ZNF600: variants seen among roughly 807,000 people sequenced by gnomAD.
The protein encoded by ZNF600 is zinc finger protein KR-ZNF1.
Under a neutral mutation model 7.3 loss-of-function variants are expected in ZNF600, and 4 were observed. The observed-to-expected ratio is 0.55, with a 90% confidence interval of 0.27 to 1.25. The LOEUF (loss-of-function observed/expected upper bound fraction) is 1.25, where lower values mean the gene tolerates loss of function less well. Among genes scored for constraint, ZNF600 ranks in the 50% most tolerant of loss-of-function variants. ZNF600 has a pLI of 0.12. For synonymous variants in ZNF600, 290 were observed against 308.9 expected, an observed-to-expected ratio of 0.94 and a Z score of 0.64; for missense variants, 911 against 922.1, an observed-to-expected ratio of 0.99 and a Z score of 0.16.
the ZNF600 span, among the ~76,000 whole-genome samples, chr19:52,817,218 C>T: frequency 1.3e-5 from 2 of 151,834 alleles, no homozygotes; most frequent in Non-Finnish European, 2.9e-5. Context: ...ACTAAAAATA[C>T]AAAATTAGCT....
At chr19:52,809,018 G>A in the ZNF600 span, among the ~76,000 whole-genome samples, 1 of 152,140 alleles carries the variant, frequency 6.6e-6, no homozygotes, top group Non-Finnish European at 1.5e-5. Flanking sequence ...GTATGTATAT[G>A]TGTGTGCATG....
chr19:52,827,543 A>G, the ZNF600 span, among the ~76,000 whole-genome samples: 1 of 151,500 alleles, frequency 6.6e-6, no homozygotes, highest in African/African-American at 2.4e-5. Context: ...TGCAGCCTCT[A>G]TGGAAATTCA....
the ZNF600 span, chr19:52,801,149 T>C: frequency 6.2e-7 from 1 of 1,614,102 alleles, no homozygotes; most frequent in South Asian, 1.1e-5. Flanking sequence ...TTATCTGATG[T>C]TTTTTTAAAA....
At chr19:52,777,313 G>T (rs2062684033) in intron 2 of ZNF600, among the ~76,000 whole-genome samples, 1 of 152,208 alleles carries the variant, frequency 6.6e-6, no homozygotes, top group Non-Finnish European at 1.5e-5. Context: ...AGAAGGCAGA[G>T]GGGCAGGGAG....
At chr19:52,791,782 C>G (rs962679215), upstream of ZNF600, among the ~76,000 whole-genome samples, 3 of 152,198 alleles carry the variant, frequency 2.0e-5, no homozygotes, top group African/African-American at 7.2e-5. Context: ...TCGCCCCCCT[C>G]CTGGAGGAGC....
chr19:52,765,218 C>A, exon 4 of ZNF600: 1 of 532,384 alleles, frequency 1.9e-6, no homozygotes, highest in Non-Finnish European at 3.8e-6. Flanking sequence ...CAAGGAGTGA[C>A]CTCGGACTCA....
the ZNF600 span, among the ~76,000 whole-genome samples, chr19:52,802,717 T>C: frequency 2.4e-3 from 363 of 151,466 alleles, 3 homozygotes; most frequent in African/African-American, 7.7e-3. Context: ...TCCAAATAAC[T>C]GTTACAAAAT....
the ZNF600 span, among the ~76,000 whole-genome samples, chr19:52,826,320 C>T: frequency 6.6e-6 from 1 of 152,102 alleles, no homozygotes; most frequent in Non-Finnish European, 1.5e-5. Context: ...CTTGTAATCC[C>T]AGCATTTTGG....
intron 1 of ZNF600, among the ~76,000 whole-genome samples, chr19:52,783,853 C>G (rs573427848): frequency 1.3e-5 from 2 of 152,084 alleles, no homozygotes; most frequent in African/African-American, 4.8e-5. Context: ...TCCAATGGTG[C>G]GATCTCAGCT....
the ZNF600 span, among the ~76,000 whole-genome samples, chr19:52,829,431 A>G: frequency 7.2e-6 from 1 of 139,206 alleles, no homozygotes. Flanking sequence ...CTAGAGTGCA[A>G]TGGCCTGATC....
chr19:52,774,876 G>T (rs1016021387), intron 2 of ZNF600, among the ~76,000 whole-genome samples, 175 bp from the exon 5 acceptor site: 2 of 152,096 alleles, frequency 1.3e-5, no homozygotes, highest in African/African-American at 4.8e-5. Context: ...TTCTTTGAAA[G>T]ATTTTAAGAT....
the ZNF600 span, among the ~76,000 whole-genome samples, chr19:52,811,592 T>C: frequency 1.4e-4 from 20 of 143,718 alleles, no homozygotes; most frequent in Middle Eastern, 7.5e-3. Context: ...CAACCCTGTC[T>C]GGGAGGTGAG....
intron 2 of ZNF600, among the ~76,000 whole-genome samples, chr19:52,775,981 G>T (rs2062671481): frequency 4.6e-5 from 7 of 151,692 alleles, no homozygotes; most frequent in African/African-American, 9.7e-5. Flanking sequence ...ACTTCAGCCT[G>T]GGTGACAGAG....
At chr19:52,807,738 G>C in the ZNF600 span, 1 of 531,528 alleles carries the variant, frequency 1.9e-6, no homozygotes, top group Non-Finnish European at 3.2e-6. Flanking sequence ...GCCTCCCAAG[G>C]TGCTGGGATA....
intron 1 of ZNF600, among the ~76,000 whole-genome samples, chr19:52,786,218 G>C (rs1387670415): frequency 6.6e-6 from 1 of 152,122 alleles, no homozygotes; most frequent in Non-Finnish European, 1.5e-5. Context: ...CCCCAACCCT[G>C]GCTCAGGGGA....
chr19:52,783,607 C>T (rs528184865), intron 1 of ZNF600, among the ~76,000 whole-genome samples: 2 of 152,256 alleles, frequency 1.3e-5, no homozygotes, highest in South Asian at 2.1e-4. Flanking sequence ...GTGATCCGCC[C>T]GCCTCGGCCT....
the ZNF600 span, chr19:52,798,736 A>G: frequency 1.9e-6 from 1 of 524,338 alleles, no homozygotes; most frequent in South Asian, 1.6e-5. Flanking sequence ...TATATGAACG[A>G]TATCTGAAAA....
intron 1 of ZNF600, among the ~76,000 whole-genome samples, chr19:52,786,197 C>G (rs537353253): frequency 1.4e-5 from 1 of 70,124 alleles, no homozygotes; most frequent in East Asian, 2.1e-4. Flanking sequence ...AGGACAAGCC[C>G]CTGCGACCCA....
the ZNF600 span, among the ~76,000 whole-genome samples, chr19:52,792,250 G>A: frequency 3.3e-5 from 5 of 152,186 alleles, no homozygotes; most frequent in African/African-American, 1.2e-4. Context: ...ACCAGAGGTA[G>A]GGTGAGCGTT....
Sources: gnomAD v4.1 joint callset for allele counts (sites outside exome capture counted in the v4.1 genomes callset) on GRCh38, gnomAD v4.1.1 for gene constraint, MANE v1.5 for transcripts, NCBI Gene and HGNC (gene_info 2026-07-23, HGNC 2026-07-21) for gene names.